Variants in CNTNAP2 observed in about 807,000 individuals in gnomAD.
CNTNAP2 encodes the protein contactin-associated protein-like 2.
A neutral mutation model predicts 155.2 loss-of-function variants in CNTNAP2; 98 were observed. The observed-to-expected ratio is 0.63, with a 90% confidence interval of 0.54 to 0.75. CNTNAP2 has a LOEUF of 0.75. Among genes scored for constraint, CNTNAP2 ranks in the 30% least tolerant of loss-of-function variants. The probability of loss-of-function intolerance (pLI) is 0.00; values close to 1 mark genes in which losing one functional copy is unlikely to be tolerated. For missense variants in CNTNAP2, 1,727 were observed against 1,688.1 expected (o/e 1.02, Z -0.40); for synonymous variants, 651 against 631.2 (o/e 1.03, Z -0.47).
rs1799772968 is a variant in CNTNAP2 at position 146,644,410 on chromosome 7, AATC to A, written c.98-129858_98-129856del. Among the ~76,000 whole-genome samples, 6 of 152,296 alleles carry A rather than the reference AATC, an allele frequency of 3.9e-5. No homozygotes were observed. In the South Asian group the frequency reaches 1.2e-3, roughly 32 times the overall value. On this transcript the variant is annotated intron_variant, in intron 1 of 23. Transcript: ENST00000361727. The stretch of plus-strand genomic sequence containing the variant: ...AGGCCTGTTCTGCATCTATTGAGAT[AATC>A]ATGTGGTTTTTGTCTTTGGTTCTGT...
At chr7:146,869,447 A>T (rs1217316431) in intron 3 of CNTNAP2, among the ~76,000 whole-genome samples, 2 of 152,068 alleles carry the variant, frequency 1.3e-5, no homozygotes, top group Non-Finnish European at 2.9e-5. Context: ...CTCTAGAGGG[A>T]CAGAACTGAA....
At chr7:147,994,591 T>C (rs560959146) in intron 15 of CNTNAP2, among the ~76,000 whole-genome samples, 5 of 152,176 alleles carry the variant, frequency 3.3e-5, no homozygotes, top group Non-Finnish European at 7.3e-5. Flanking sequence ...CTGATGGTTT[T>C]AAAAATGGGA....
At chr7:147,785,767 G>T (rs1797729092) in intron 13 of CNTNAP2, among the ~76,000 whole-genome samples, 1 of 152,194 alleles carries the variant, frequency 6.6e-6, no homozygotes, top group Non-Finnish European at 1.5e-5. Flanking sequence ...CAAGGCATAT[G>T]GATCACCTGA....
chr7:147,081,704 C>T (rs954521606), intron 4 of CNTNAP2: 1 of 152,088 alleles, frequency 6.6e-6, no homozygotes, highest in Non-Finnish European at 1.5e-5. Flanking sequence ...CTGCCCACCT[C>T]AGCCTCTGAA....
At chr7:146,607,012 G>A (rs902860869) in intron 1 of CNTNAP2, among the ~76,000 whole-genome samples, 16 of 152,120 alleles carry the variant, frequency 1.1e-4, no homozygotes, top group Non-Finnish European at 1.8e-4. Flanking sequence ...TTGCTATTAT[G>A]AGAAATCAAT....
rs184443583 is a variant in CNTNAP2 at position 147,244,021 on chromosome 7, C to T, written c.1349-56120C>T. ...CATAATCAGTCTGACTTTTCTCACT[C>T]GTTTCTGCCTGAGGTGGAGGTGGGG... On this transcript the variant is annotated intron_variant, in intron 8 of 23. Transcript: ENST00000361727. 7.5e-4 allele frequency among the ~76,000 whole-genome samples: 114 copies of T among 152,280 alleles called. 1 individual carries two copies. Among genetic ancestry groups the T allele is most frequent in the African/African-American group, 2.5e-3 (102 of 41,564 alleles).
In CNTNAP2 at chr7:147,694,352, C is replaced by T. The variant is rs79763957; in HGVS notation, c.2098+55046C>T. On this transcript the variant is annotated intron_variant, in intron 13 of 23. Coordinates refer to ENST00000361727, the MANE Select transcript of CNTNAP2 (RefSeq NM_014141.6). Reference sequence around the variant, plus strand: ...ATGTCTTTGTCTGGTTTTGGTATTCCTCAAAGTATGAGTTAGGACATATTC... The same window carrying T: ...ATGTCTTTGTCTGGTTTTGGTATTCTTCAAAGTATGAGTTAGGACATATTC... Among the ~76,000 whole-genome samples the T allele has an allele frequency of 2.0e-5, 3 of 151,850 alleles. No homozygotes were observed. In the East Asian group the frequency reaches 5.8e-4, roughly 29 times the overall value.
intron 20 of CNTNAP2, among the ~76,000 whole-genome samples, chr7:148,256,245 C>G (rs535324234): frequency 1.3e-5 from 2 of 152,226 alleles, no homozygotes; most frequent in South Asian, 4.1e-4. Flanking sequence ...GAAAAGACAC[C>G]TTCAAGTGGT....
intron 2 of CNTNAP2, among the ~76,000 whole-genome samples, chr7:146,783,778 C>T (rs190498987): frequency 3.3e-5 from 5 of 152,312 alleles, no homozygotes; most frequent in Admixed American, 1.3e-4. Context: ...TATATACATA[C>T]AAGTTTCCAT....
intron 8 of CNTNAP2, among the ~76,000 whole-genome samples, chr7:147,232,770 G>T (rs985787827): frequency 7.4e-5 from 11 of 148,268 alleles, no homozygotes; most frequent in South Asian, 2.2e-4. Flanking sequence ...CATTGATCTT[G>T]GTAATGACTT....
chr7:148,047,905 T>A (rs1240577797), intron 15 of CNTNAP2, among the ~76,000 whole-genome samples: 1 of 152,150 alleles, frequency 6.6e-6, no homozygotes, highest in African/African-American at 2.4e-5. Context: ...AGTGAGCACC[T>A]GCTATGAGCT....
chr7:146,656,719 A>C (rs1800001354), intron 1 of CNTNAP2, among the ~76,000 whole-genome samples: 6 of 152,190 alleles, frequency 3.9e-5, no homozygotes, highest in Admixed American at 3.9e-4. Context: ...AAAGTATGTC[A>C]ACTTTGGAAA....
At chr7:148,345,149 G>T (rs955624792) in intron 21 of CNTNAP2, among the ~76,000 whole-genome samples, 1 of 152,172 alleles carries the variant, frequency 6.6e-6, no homozygotes, top group Admixed American at 6.5e-5. Flanking sequence ...GACTTAGGGA[G>T]GTGGGGACCC....
chr7:147,643,470 G>C (rs1314791076), intron 13 of CNTNAP2: 1 of 152,166 alleles, frequency 6.6e-6, no homozygotes, highest in Non-Finnish European at 1.5e-5. Context: ...TTTTGCATAT[G>C]TCAAAACAAG....
chr7:148,034,661 G>C (rs1802540836), intron 15 of CNTNAP2, among the ~76,000 whole-genome samples: 1 of 152,192 alleles, frequency 6.6e-6, no homozygotes, highest in Non-Finnish European at 1.5e-5. Context: ...TGTTGCTATA[G>C]TAAATACCTG....
chr7:146,851,868 G>T (rs747490548), intron 3 of CNTNAP2, among the ~76,000 whole-genome samples: 2 of 150,490 alleles, frequency 1.3e-5, no homozygotes, highest in Non-Finnish European at 2.9e-5. Flanking sequence ...TTTATTTTTT[G>T]TAGTGATGGG....
intron 9 of CNTNAP2, among the ~76,000 whole-genome samples, chr7:147,367,491 T>C (rs1464344558): frequency 6.6e-6 from 1 of 152,172 alleles, no homozygotes. Flanking sequence ...TTAAAATTGC[T>C]ATAAGGCTAG....
chr7:147,565,820 T>C (rs1469626923), intron 12 of CNTNAP2, among the ~76,000 whole-genome samples: 1 of 152,166 alleles, frequency 6.6e-6, no homozygotes, highest in East Asian at 1.9e-4. Flanking sequence ...TGAAGTGCCA[T>C]GTGCCATCTA....
At chr7:148,144,391 T>C (rs1228707396) in intron 16 of CNTNAP2, among the ~76,000 whole-genome samples, 3 of 152,200 alleles carry the variant, frequency 2.0e-5, no homozygotes, top group Non-Finnish European at 4.4e-5. Context: ...ATGTGCAGCA[T>C]CCACCTGGGA....
Sources: allele counts gnomAD v4.1 joint callset (sites outside exome capture counted in the v4.1 genomes callset), GRCh38; gene constraint gnomAD v4.1.1; transcripts MANE v1.5; gene names NCBI Gene and HGNC (gene_info 2026-07-23, HGNC 2026-07-21).